Variants in OS9 observed in about 807,000 individuals in gnomAD.
OS9 encodes OS9 endoplasmic reticulum lectin.
OS9 carries 58 observed loss-of-function variants against 84.7 expected under a neutral mutation model. That is an observed-to-expected ratio of 0.68 (90% confidence interval 0.55 to 0.85). OS9 has a LOEUF of 0.85. Among genes scored for constraint, OS9 ranks in the 40% least tolerant of loss-of-function variants. The pLI, the probability that OS9 is intolerant of heterozygous loss-of-function variation, is 0.00. For synonymous variants in OS9, 278 were observed against 320.8 expected, an observed-to-expected ratio of 0.87 and a Z score of 1.43; for missense variants, 760 against 850.9, an observed-to-expected ratio of 0.89 and a Z score of 1.33.
intron 5 of OS9, among the ~76,000 whole-genome samples, chr12:57,710,744 A>C (rs1954300771): frequency 6.6e-6 from 1 of 152,166 alleles, no homozygotes; most frequent in African/African-American, 2.4e-5. Flanking sequence ...AAGGTATGTA[A>C]TGAAATATTT....
intron 2 of OS9, 134 bp from the exon 3 acceptor site, chr12:57,695,646 A>G: frequency 1.4e-6 from 1 of 736,614 alleles, no homozygotes; most frequent in Non-Finnish European, 2.5e-6. Flanking sequence ...TGGAGAATTG[A>G]GAGTGGAAGT....
chr12:57,712,400 ATT>A (rs1954357716), intron 5 of OS9, among the ~76,000 whole-genome samples: 1 of 151,646 alleles, frequency 6.6e-6, no homozygotes, highest in Admixed American at 6.6e-5. Context: ...ATATTGTTTA[ATT>A]TCTACATATT....
At position 57,715,904 on chromosome 12, in the gene OS9, C is replaced by T; in HGVS notation, c.724C>T (p.Gln242Ter). ...CCGGCCCCCACCCAGTGCTGCACCG[C>T]AGGCCATCCTCTGTCACCCTTCCCT... The part of the protein sequence containing the change: ...LLRPPPSAAP[Q>*]AILCHPSLQP... The change falls in exon 6 of 15, where the codon CAG (glutamine) becomes TAG (stop). Residue 242 changes from glutamine to a stop codon, truncating the protein, a stop_gained. Transcript: ENST00000315970. LOFTEE classifies it high-confidence loss of function. 6.2e-7 allele frequency: 1 copy of T among 1,613,600 alleles called. No individual in the cohort carries two copies. The highest frequency in any genetic ancestry group is 8.5e-7 in the Non-Finnish European group (1 of 1,179,796).
At position 57,695,783 on chromosome 12, in the gene OS9, A is replaced by G. The variant is rs1397286920; in HGVS notation, c.343A>G (p.Lys115Glu). 1 of 1,605,596 alleles carries G rather than the reference A, an allele frequency of 6.2e-7. No homozygotes were observed. Among genetic ancestry groups the G allele is most frequent in the Non-Finnish European group, 8.5e-7 (1 of 1,172,368 alleles). ...TTGTTTATTTTTTAATTGTCAGACAAAGGACTGGTGGACATATGAATTCTG... is the reference window on the plus strand; with the variant it reads ...TTGTTTATTTTTTAATTGTCAGACAGAGGACTGGTGGACATATGAATTCTG... ...MRDAPCLLKTKDWWTYEFCYG... is the reference protein window; with the variant it reads ...MRDAPCLLKTEDWWTYEFCYG... The change falls in exon 3 of 15, where the codon AAG becomes GAG. Residue 115 changes from lysine to glutamate, a missense_variant. Coordinates refer to ENST00000315970, the MANE Select transcript of OS9 (RefSeq NM_006812.4).
chr12:57,706,870 G>A (rs868732710), intron 5 of OS9, among the ~76,000 whole-genome samples: 823 of 74,770 alleles, frequency 0.011, 7 homozygotes, highest in South Asian at 0.063. Context: ...AAAAAAAAAA[G>A]TTTAGATAAA....
intron 13 of OS9, 56 bp from the exon 14 acceptor site, chr12:57,720,350 C>T (rs963638969): frequency 8.8e-6 from 14 of 1,598,926 alleles, no homozygotes; most frequent in Non-Finnish European, 1.2e-5. Flanking sequence ...GGGCAGGGGG[C>T]CTGCCCTGAG....
rs1034095119 is a variant in OS9 at position 57,721,531 on chromosome 12, T to C, written c.*622T>C. On this transcript the variant is annotated 3_prime_UTR_variant, in exon 15 of 15. Transcript: ENST00000315970. ...CCCACCATGTTCTTGAACAATCAGG[T>C]TTCTAAATAAACAACTGGACCATCA... 6.6e-6 allele frequency: 1 copy of C among 152,458 alleles called. No individual in the cohort carries two copies. The highest frequency in any genetic ancestry group is 2.4e-5 in the African/African-American group (1 of 41,362). 9.4% of individuals were successfully genotyped at this position (152,458 alleles called of 1,614,324 possible). A position where few individuals can be genotyped will look rare whatever the true frequency, so the allele number is the denominator to read the frequency against.
intron 5 of OS9, among the ~76,000 whole-genome samples, chr12:57,714,367 G>A (rs551224564): frequency 6.6e-6 from 1 of 152,134 alleles, no homozygotes; most frequent in East Asian, 1.9e-4. Flanking sequence ...CCACAAGGCT[G>A]GCTAATTTTG....
Position 57,720,820 on chromosome 12 carries a change from C to T in OS9, c.1915C>T (p.Arg639Trp), listed in dbSNP as rs151192764. 4.6e-5 allele frequency: 75 copies of T among 1,613,350 alleles called. No homozygotes were observed. The highest frequency in any genetic ancestry group is 6.6e-5 in the South Asian group (6 of 90,962). The stretch of plus-strand genomic sequence containing the variant: ...TGAAGAGGCCCAGAAGGAACGCCAG[C>T]GGCAGAAAGAGCTGGAGAGCAATTA... ...GAEEAQKERQ[R>W]QKELESNYRR... Residue 639 changes from arginine to tryptophan, a missense_variant, in exon 15 of 15, where the codon CGG becomes TGG. Arg to Trp is a moderately radical substitution (Grantham distance 101). Transcript: ENST00000315970.
chr12:57,716,572 CCATTGTGAGGTGACCTA>C (rs1020963644), intron 8 of OS9, 60 bp downstream of exon 8: 2 of 1,515,434 alleles, frequency 1.3e-6, no homozygotes, highest in African/African-American at 2.7e-5. Flanking sequence ...GCAGCTGGGG[CCATTGTGAGGTGACCTA>C]CATCTACCTA....
At chr12:57,709,273 T>C (rs1162930752) in intron 5 of OS9, among the ~76,000 whole-genome samples, 1 of 152,228 alleles carries the variant, frequency 6.6e-6, no homozygotes, top group Admixed American at 6.5e-5. Flanking sequence ...TTTCAATCTG[T>C]CTTCTCTCTT....
At chr12:57,714,636 C>T (rs7307835) in intron 5 of OS9, among the ~76,000 whole-genome samples, 4,232 of 152,276 alleles carry the variant, frequency 0.028, 156 homozygotes, top group African/African-American at 0.083. Flanking sequence ...GCTTTCCACA[C>T]GGGTTGGAAT....
intron 2 of OS9, 183 bp downstream of exon 2, chr12:57,695,109 G>T: frequency 1.6e-6 from 1 of 607,178 alleles, no homozygotes; most frequent in East Asian, 2.8e-5. Context: ...ATGACACTTT[G>T]CTGAACGTAG....
intron 1 of OS9, 28 bp downstream of exon 1, chr12:57,694,351 T>G (rs1441870744): frequency 5.6e-6 from 9 of 1,612,142 alleles, no homozygotes; most frequent in Non-Finnish European, 7.6e-6. Flanking sequence ...GGCGAGGGTC[T>G]GGGCAGAAGA....
At chr12:57,707,075 T>G (rs896061697) in intron 5 of OS9, among the ~76,000 whole-genome samples, 1 of 152,038 alleles carries the variant, frequency 6.6e-6, no homozygotes, top group Non-Finnish European at 1.5e-5. Context: ...AAATTACAGA[T>G]TTTTTTGTTT....
chr12:57,716,605 G>A (rs1304898768), intron 8 of OS9, 88 bp from the exon 9 acceptor site: 3 of 1,508,596 alleles, frequency 2.0e-6, no homozygotes, highest in Non-Finnish European at 2.8e-6. Flanking sequence ...ACCTAGGGAT[G>A]CAAGGATATC....
intron 1 of OS9, 147 bp downstream of exon 1, chr12:57,694,470 G>T (rs1034887130): frequency 1.2e-5 from 11 of 885,258 alleles, no homozygotes; most frequent in African/African-American, 1.2e-4. Context: ...CCTGGGGGTC[G>T]CAGACTGAGA....
Position 57,696,011 on chromosome 12 carries a change from C to G in OS9, c.453C>G (p.Ala151=). ...TCTATCTCGGCTACTACCAATCAGCCTTCGACTGGGATGATGAAACAGCCA... is the reference window on the plus strand; with the variant it reads ...TCTATCTCGGCTACTACCAATCAGCGTTCGACTGGGATGATGAAACAGCCA... The part of the protein sequence containing the change: ...EVLYLGYYQS[A]FDWDDETAKA... Residue 151 remains alanine, a synonymous_variant, in exon 4 of 15, where the codon GCC becomes GCG. Coordinates refer to ENST00000315970, the MANE Select transcript of OS9 (RefSeq NM_006812.4). 4 of 1,613,514 alleles carry G rather than the reference C, an allele frequency of 2.5e-6. No homozygotes were observed. Among genetic ancestry groups the G allele is most frequent in the Non-Finnish European group, 3.4e-6 (4 of 1,179,408 alleles).
In OS9 at chr12:57,694,172, A is replaced by G. The variant is rs1953750155; in HGVS notation, c.11A>G (p.Glu4Gly). 1.2e-6 allele frequency: 2 copies of G among 1,614,168 alleles called. No individual in the cohort carries two copies. The highest frequency in any genetic ancestry group is 1.7e-6 in the Non-Finnish European group (2 of 1,180,016). MAA[E>G]TLLSSLLGLL... is the part of the protein sequence containing the mutation. ...GAAGGGGAACGAAAGATGGCGGCGG[A>G]AACGCTGCTGTCCAGTTTGTTAGGA... Residue 4 changes from glutamate to glycine, a missense_variant, in exon 1 of 15, where the codon GAA (glutamate) becomes GGA (glycine). Coordinates refer to ENST00000315970, the MANE Select transcript of OS9 (RefSeq NM_006812.4).
Sources: allele counts gnomAD v4.1 joint callset (sites outside exome capture counted in the v4.1 genomes callset), GRCh38; gene constraint gnomAD v4.1.1; transcripts MANE v1.5; gene names NCBI Gene and HGNC (gene_info 2026-07-23, HGNC 2026-07-21).